Variants in EML6 observed in about 807,000 individuals in gnomAD.
The protein encoded by EML6 is EMAP like 6, also known as echinoderm microtubule-associated protein-like 6.
Under a neutral mutation model 240.1 loss-of-function variants are expected in EML6, and 154 were observed. That is an observed-to-expected ratio of 0.64 (90% CI 0.56 to 0.73). The LOEUF is 0.73. Ranked by LOEUF, EML6 falls within the 30% of genes least tolerant of loss-of-function variation. The pLI is 0.00. For missense variants in EML6, 2,964 were observed against 2,474.6 expected (o/e 1.20, Z -4.20); for synonymous variants, 1,148 against 899.0 (o/e 1.28, Z -4.95).
intron 8 of EML6, among the ~76,000 whole-genome samples, chr2:54,846,762 G>A (rs898193646): frequency 1.3e-5 from 2 of 151,924 alleles, no homozygotes; most frequent in Non-Finnish European, 2.9e-5. Context: ...GGGATTATAG[G>A]CATGAGCCAC....
chr2:54,902,173 T>C (rs766909341), intron 22 of EML6, among the ~76,000 whole-genome samples: 1 of 152,160 alleles, frequency 6.6e-6, no homozygotes, highest in African/African-American at 2.4e-5. Flanking sequence ...AAAAAAATGG[T>C]TTCTGGAAAT....
Position 54,928,330 on chromosome 2 carries a change from C to T in EML6, c.3693C>T (p.Phe1231=). 1 of 1,551,886 alleles carries T rather than the reference C, an allele frequency of 6.4e-7. No homozygotes were observed. Among genetic ancestry groups the T allele is most frequent in the Non-Finnish European group, 8.7e-7 (1 of 1,147,064 alleles). The change falls in exon 27 of 42, where the codon TTC becomes TTT. Residue 1231 remains phenylalanine (F), a synonymous_variant. Coordinates refer to ENST00000356458, the MANE Select transcript of EML6 (RefSeq NM_001039753.4). ...CTTTACAGGGACAGCACGCAAGATTCAAGAAGTATGTGGGGCACAGTGCAC... is the reference window on the plus strand; with the variant it reads ...CTTTACAGGGACAGCACGCAAGATTTAAGAAGTATGTGGGGCACAGTGCAC... ...SYPVKGQHAR[F]KKYVGHSAHV...
At chr2:54,961,184 G>GTTGTTGTTTTTTTTTTTTTTT in intron 35 of EML6, among the ~76,000 whole-genome samples, 1 of 55,424 alleles carries the variant, frequency 1.8e-5, no homozygotes, top group African/African-American at 8.1e-5. Context: ...TCAGGAAGTA[G>GTTGTTGTTTTTTTTTTTTTTT]TTTTTTTTTT....
intron 2 of EML6, among the ~76,000 whole-genome samples, chr2:54,769,371 C>G (rs1400941596): frequency 1.3e-5 from 2 of 152,138 alleles, no homozygotes; most frequent in East Asian, 3.9e-4. Flanking sequence ...ATACCATGCA[C>G]CTGATCTATG....
chr2:54,731,382 G>A (rs1426643772), intron 2 of EML6, among the ~76,000 whole-genome samples: 1 of 152,134 alleles, frequency 6.6e-6, no homozygotes, highest in Non-Finnish European at 1.5e-5. Flanking sequence ...GCTCACTCCT[G>A]TCATCCCAGC....
chr2:54,967,692 G>A (rs1676808994), intron 39 of EML6, among the ~76,000 whole-genome samples: 1 of 152,186 alleles, frequency 6.6e-6, no homozygotes, highest in Admixed American at 6.5e-5. Flanking sequence ...ATGCTTTCAT[G>A]CCAGGAGAGC....
chr2:54,928,694 G>A lies in EML6; in HGVS notation c.3947G>A (p.Arg1316Lys). ...YTTKIYAVSI[R>K]EMEGTKPHQQ... ...ACCAAGATTTATGCTGTGAGCATCA[G>A]GGAAATGGAAGGCACCAAGCCACAC... Residue 1316 changes from arginine (R) to lysine (K), a missense_variant, in exon 28 of 42, where the codon AGG becomes AAG. By Grantham distance (26) the Arg-to-Lys change is conservative. Coordinates refer to ENST00000356458, the MANE Select transcript of EML6 (RefSeq NM_001039753.4). The A allele has an allele frequency of 6.4e-7, 1 of 1,551,802 alleles. No homozygotes were observed. The highest frequency in any genetic ancestry group is 8.7e-7 in the Non-Finnish European group (1 of 1,147,020).
chr2:54,748,640 G>C (rs1463411259), intron 2 of EML6, among the ~76,000 whole-genome samples: 1 of 152,136 alleles, frequency 6.6e-6, no homozygotes, highest in Non-Finnish European at 1.5e-5. Context: ...GCTCACTGCA[G>C]ATTCAACCTC....
chr2:54,727,788 A>G (rs1456994498), intron 2 of EML6, among the ~76,000 whole-genome samples: 2 of 152,364 alleles, frequency 1.3e-5, no homozygotes, highest in African/African-American at 2.4e-5. Flanking sequence ...TCATATGCAT[A>G]CATCTATACT....
intron 33 of EML6, among the ~76,000 whole-genome samples, chr2:54,958,563 C>T (rs926861784): frequency 1.3e-5 from 2 of 152,006 alleles, no homozygotes; most frequent in Non-Finnish European, 2.9e-5. Context: ...GTTTGTTGTT[C>T]TAAAGGCAAC....
chr2:54,832,848 G>A (rs1668950671), intron 7 of EML6, among the ~76,000 whole-genome samples: 1 of 152,268 alleles, frequency 6.6e-6, no homozygotes, highest in African/African-American at 2.4e-5. Flanking sequence ...ACAGATTCAG[G>A]CAGAGCAGTG....
intron 2 of EML6, among the ~76,000 whole-genome samples, chr2:54,789,513 CAAA>C (rs576842183): frequency 1.3e-3 from 98 of 77,872 alleles, no homozygotes; most frequent in African/African-American, 3.6e-3. Context: ...GACTTCGTCT[CAAA>C]AAAAAAAAAA....
intron 28 of EML6, among the ~76,000 whole-genome samples, chr2:54,934,173 C>T (rs1366042488): frequency 2.0e-5 from 3 of 152,086 alleles, no homozygotes; most frequent in South Asian, 2.1e-4. Flanking sequence ...TTTGTTTGTT[C>T]TTTCAAAACA....
At chr2:54,813,122 T>G (rs1273670744) in intron 2 of EML6, 110 bp from the exon 3 acceptor site, 11 of 772,270 alleles carry the variant, frequency 1.4e-5, no homozygotes, top group Non-Finnish European at 2.1e-5. Context: ...TCAGACTCTT[T>G]CTCTTGAGAT....
intron 16 of EML6, among the ~76,000 whole-genome samples, chr2:54,872,310 A>T (rs898043686): frequency 5.9e-5 from 9 of 152,340 alleles, no homozygotes; most frequent in African/African-American, 2.2e-4. Context: ...ATAGAAAAAG[A>T]ATTCTAAACT....
chr2:54,789,539 A>AAAAAAAAAAAG (rs1669306524), intron 2 of EML6, among the ~76,000 whole-genome samples: 1 of 141,748 alleles, frequency 7.1e-6, no homozygotes, highest in East Asian at 2.1e-4. Flanking sequence ...AAAAAAAAAA[A>AAAAAAAAAAAG]AAAAAAAAAG....
intron 2 of EML6, among the ~76,000 whole-genome samples, chr2:54,810,071 A>G (rs1322875176): frequency 6.6e-6 from 1 of 152,246 alleles, no homozygotes; most frequent in Non-Finnish European, 1.5e-5. Flanking sequence ...ACATCAAGCC[A>G]GAGAGGTGAT....
rs1214277083 is a variant in EML6 at position 54,895,243 on chromosome 2, T to C, written c.2855-30T>C. On this transcript the variant is annotated intron_variant, in intron 20 of 41. Transcript: ENST00000356458. ...TACTAATAAGCAGTTGTTTTTGTTATTGTGTTAAATATACCATCCCCTTCC... is the reference window on the plus strand; with the variant it reads ...TACTAATAAGCAGTTGTTTTTGTTACTGTGTTAAATATACCATCCCCTTCC... The C allele has an allele frequency of 9.0e-6, 14 of 1,549,444 alleles. No individual in the cohort carries two copies. The East Asian group carries it at 2.0e-4, about 22-fold the overall frequency.
intron 39 of EML6, chr2:54,967,305 G>A (rs533531608): frequency 2.4e-5 from 9 of 370,850 alleles, no homozygotes; most frequent in South Asian, 4.0e-5. Flanking sequence ...TTTGAAATGC[G>A]AAGCCCCTCT....
Sources: allele counts gnomAD v4.1 joint callset (sites outside exome capture counted in the v4.1 genomes callset), GRCh38; gene constraint gnomAD v4.1.1; transcripts MANE v1.5; gene names NCBI Gene and HGNC (gene_info 2026-07-23, HGNC 2026-07-21).